Variants in SPON2 observed in about 807,000 individuals in gnomAD.
The protein encoded by SPON2 is spondin-2.
Under a neutral mutation model 29.9 loss-of-function variants are expected in SPON2, and 32 were observed. The ratio of observed to expected loss-of-function variants is 1.07; its 90% CI spans 0.81 to 1.44. The LOEUF is 1.44. Among genes scored for constraint, SPON2 ranks in the 40% most tolerant of loss-of-function variants. The pLI is 0.00. For missense variants in SPON2, 541 were observed against 455.5 expected (o/e 1.19, Z -1.71); for synonymous variants, 248 against 209.1 (o/e 1.19, Z -1.61).
At position 1,182,198 on chromosome 4, in the gene SPON2, GA is replaced by G. The variant is rs754307096; in HGVS notation, c.-238-2658del. On this transcript the variant is annotated intron_variant, in intron 1 of 3. Transcript: ENST00000502483. The stretch of plus-strand genomic sequence containing the variant: ...GAAAAAGAATCACAAGGCATACAAA[GA>G]AACAGGAAAGTATGGCCCATTTAAA... Among the ~76,000 whole-genome samples, 6 of 152,172 alleles carry G rather than the reference GA, an allele frequency of 3.9e-5. No individual in the cohort carries two copies. The East Asian group carries it at 1.2e-3, about 29-fold the overall frequency.
In SPON2 at chr4:1,178,258, C is replaced by T. The variant is rs143774997; in HGVS notation, c.-145+1190G>A. Among the ~76,000 whole-genome samples the T allele has an allele frequency of 1.8e-3, 277 of 151,146 alleles. 1 individual carries two copies. Among genetic ancestry groups the T allele is most frequent in the African/African-American group, 6.6e-3 (272 of 41,044 alleles). ...CGAGGGCCTCCCTCCGGCCAGGCAC[C>T]ATGGGCTCTGCACACACCAAGGGCT... On this transcript the variant is annotated intron_variant, in intron 2 of 3. Coordinates refer to the SPON2 transcript ENST00000502483.
upstream of SPON2, among the ~76,000 whole-genome samples, chr4:1,175,593 G>T (rs1208497293): frequency 6.6e-6 from 1 of 151,328 alleles, no homozygotes; most frequent in Non-Finnish European, 1.5e-5. Context: ...CTAAGATATA[G>T]GGTGGTGGTG....
chr4:1,191,870 C>T (rs1366038715), intron 1 of SPON2, among the ~76,000 whole-genome samples: 1 of 152,220 alleles, frequency 6.6e-6, no homozygotes, highest in Admixed American at 6.5e-5. Flanking sequence ...TGTCATTCTA[C>T]ATTCAGGTAC....
chr4:1,195,545 GCAC>G (rs1728048501), upstream of SPON2, among the ~76,000 whole-genome samples: 1 of 152,086 alleles, frequency 6.6e-6, no homozygotes, highest in Non-Finnish European at 1.5e-5. Context: ...TGCATCCCGG[GCAC>G]CACATGTGGG....
intron 1 of SPON2, among the ~76,000 whole-genome samples, chr4:1,182,199 A>T (rs1727712190): frequency 6.6e-6 from 1 of 152,200 alleles, no homozygotes; most frequent in African/African-American, 2.4e-5. Flanking sequence ...GCATACAAAG[A>T]AACAGGAAAG....
chr4:1,182,901 C>T (rs1379249309), intron 1 of SPON2, among the ~76,000 whole-genome samples: 1 of 152,012 alleles, frequency 6.6e-6, no homozygotes, highest in Non-Finnish European at 1.5e-5. Flanking sequence ...GGCCAGAAAG[C>T]AGTGGGCTGA....
At chr4:1,208,058 A>AT (rs1728390150) in exon 1 of SPON2, 1 of 152,734 alleles carries the variant, frequency 6.5e-6, no homozygotes, top group Non-Finnish European at 1.5e-5. Context: ...CTCAGGGCCC[A>AT]GTGGCCAGAT....
Position 1,171,498 on chromosome 4 carries a change from CCCGGCCGCGCCGCGGACCATGGTCAGA to C in SPON2, c.221-39_221-13del. On this transcript the variant is annotated splice_polypyrimidine_tract_variant and intron_variant, in intron 2 of 5. Coordinates refer to ENST00000290902, the MANE Select transcript of SPON2 (RefSeq NM_012445.4). ...GCTATGCGCGGCCCCTGCAGGACCA[CCCGGCCGCGCCGCGGACCATGGTCAGA>C]CACTGCGGTCGGGCTTGGATTCCAG... The C allele has an allele frequency of 1.9e-6, 3 of 1,604,554 alleles. No individual in the cohort carries two copies. The highest frequency in any genetic ancestry group is 2.6e-6 in the Non-Finnish European group (3 of 1,173,878).
chr4:1,169,268 C>T (rs545721178), intron 5 of SPON2, among the ~76,000 whole-genome samples: 6 of 152,078 alleles, frequency 3.9e-5, no homozygotes, highest in Non-Finnish European at 7.4e-5. Context: ...TTGCACACCA[C>T]GAACAGTGCT....
At chr4:1,170,724 C>T (rs1727403199) in intron 4 of SPON2, 148 bp from the exon 5 acceptor site, 1 of 1,088,678 alleles carries the variant, frequency 9.2e-7, no homozygotes, top group Non-Finnish European at 1.4e-6. Context: ...TCTCAGCCAT[C>T]CCACGGAACA....
intron 1 of SPON2, chr4:1,200,579 G>T: frequency 2.9e-6 from 1 of 343,878 alleles, no homozygotes; most frequent in South Asian, 2.3e-5. Context: ...TCACCCCACG[G>T]GAACGTGGTT....
chr4:1,186,035 G>T (rs1473579950), intron 1 of SPON2, among the ~76,000 whole-genome samples: 2 of 150,760 alleles, frequency 1.3e-5, no homozygotes, highest in East Asian at 2.0e-4. Flanking sequence ...ACGAGGTCAG[G>T]AGATCGAGAC....
chr4:1,182,456 T>C (rs1393159949), intron 1 of SPON2, among the ~76,000 whole-genome samples: 1 of 151,864 alleles, frequency 6.6e-6, no homozygotes, highest in Admixed American at 6.5e-5. Context: ...GAAATGAAAA[T>C]TCACTAGAGG....
chr4:1,205,436 A>C (rs1193341961), intron 1 of SPON2, among the ~76,000 whole-genome samples: 1 of 152,194 alleles, frequency 6.6e-6, no homozygotes, highest in Non-Finnish European at 1.5e-5. Context: ...CTAGAACTGC[A>C]GCTGGCATCC....
At chr4:1,198,469 C>A (rs1195365412), upstream of SPON2, among the ~76,000 whole-genome samples, 1 of 152,120 alleles carries the variant, frequency 6.6e-6, no homozygotes, top group Admixed American at 6.5e-5. Context: ...TAATCTAATT[C>A]AAAAACCTGA....
intron 3 of SPON2, 24 bp from the exon 4 acceptor site, chr4:1,171,214 G>C (rs920231715): frequency 1.4e-5 from 21 of 1,461,574 alleles, no homozygotes; most frequent in Middle Eastern, 2.1e-4. Flanking sequence ...GGCTCAGCGC[G>C]CCTGGCCCCG....
chr4:1,174,497 AAAAAACAAAAAAAC>A (rs1727551321), upstream of SPON2, among the ~76,000 whole-genome samples: 3 of 149,858 alleles, frequency 2.0e-5, no homozygotes, highest in African/African-American at 5.0e-5. Context: ...AAAAAAAAAA[AAAAAACAAAAAAAC>A]AAAAAACAAA....
chr4:1,194,129 G>A (rs953862276), intron 1 of SPON2, among the ~76,000 whole-genome samples: 3 of 152,110 alleles, frequency 2.0e-5, no homozygotes, highest in Admixed American at 2.0e-4. Context: ...GCCAGACTTT[G>A]GGCACAGCAG....
chr4:1,192,590 AGCAGAGGGTGGCTCAG>A (rs534122225), intron 1 of SPON2, among the ~76,000 whole-genome samples: 144 of 152,310 alleles, frequency 9.5e-4, no homozygotes, highest in African/African-American at 3.4e-3. Flanking sequence ...AGCACAGAGC[AGCAGAGGGTGGCTCAG>A]GCTAAGCCGG....
Sources: gnomAD v4.1 joint callset for allele counts (sites outside exome capture counted in the v4.1 genomes callset) on GRCh38, gnomAD v4.1.1 for gene constraint, MANE v1.5 for transcripts, NCBI Gene and HGNC (gene_info 2026-07-23, HGNC 2026-07-21) for gene names.